The following AGBL5 variants were observed in gnomAD, a reference collection of about 807,000 sequenced individuals.
AGBL5 encodes cytosolic carboxypeptidase-like protein 5.
A neutral mutation model predicts 88.0 loss-of-function variants in AGBL5; 51 were observed. The ratio of observed to expected loss-of-function variants is 0.58; its 90% CI spans 0.46 to 0.73. The LOEUF (loss-of-function observed/expected upper bound fraction) is 0.73, where lower values mean the gene tolerates loss of function less well. Among genes scored for constraint, AGBL5 ranks in the 30% least tolerant of loss-of-function variants. AGBL5 has a pLI of 0.00. For missense variants in AGBL5, 1,031 were observed against 1,162.2 expected (o/e 0.89, Z 1.64); for synonymous variants, 446 against 438.8 (o/e 1.02, Z -0.21).
chr2:27,051,273 G>C (rs191184437), upstream of AGBL5: 4 of 152,204 alleles, frequency 2.6e-5, no homozygotes, highest in African/African-American at 4.8e-5. Flanking sequence ...CGGGATCGAT[G>C]CCCGCATCCT....
intron 12 of AGBL5, 78 bp from the exon 13 acceptor site, chr2:27,068,554 T>G: frequency 7.5e-7 from 1 of 1,331,466 alleles, no homozygotes; most frequent in South Asian, 1.3e-5. Flanking sequence ...CGTGCCAAGG[T>G]TAAGAAACCC....
At chr2:27,067,671 C>A (rs1334169028) in intron 12 of AGBL5, 25 bp downstream of exon 12, 3 of 1,606,568 alleles carry the variant, frequency 1.9e-6, no homozygotes, top group Non-Finnish European at 2.6e-6. Flanking sequence ...CCACTGAAAT[C>A]TGGGTTTGCC....
Position 27,059,321 on chromosome 2 carries a change from T to G in AGBL5, c.2006T>G (p.Phe669Cys), listed in dbSNP as rs199647666. The part of the protein sequence containing the change: ...PQMKNSPSFP[F>C]HGSRPAGLPG... ...ATGAAGAATTCCCCCAGCTTTCCTT[T>G]TCATGGCAGTCGGCCTGCAGGGCTG... The change falls in exon 11 of 15, where the codon TTT becomes TGT. Residue 669 changes from phenylalanine to cysteine, a missense_variant. Coordinates refer to ENST00000360131, the MANE Select transcript of AGBL5 (RefSeq NM_021831.6). The G allele has an allele frequency of 1.9e-6, 3 of 1,614,214 alleles. No homozygotes were observed. The East Asian group carries it at 6.7e-5, about 36-fold the overall frequency.
chr2:27,070,433 A>G lies in AGBL5; in HGVS notation c.*170A>G. On this transcript the variant is annotated 3_prime_UTR_variant, in exon 15 of 15. Coordinates refer to ENST00000360131, the MANE Select transcript of AGBL5 (RefSeq NM_021831.6). Reference sequence around the variant, plus strand: ...GTATCACCTTGAGACAGAACAAAACAGGGACCTGCCACCCCTTCCCTCCCT... The same window carrying G: ...GTATCACCTTGAGACAGAACAAAACGGGGACCTGCCACCCCTTCCCTCCCT... 1 of 633,274 alleles carries G rather than the reference A, an allele frequency of 1.6e-6. No individual in the cohort carries two copies. Among genetic ancestry groups the G allele is most frequent in the South Asian group, 2.4e-5 (1 of 41,428 alleles). The allele number at this position is 633,274 out of a possible 1,614,324, so 39.2% of individuals were successfully genotyped here.
At chr2:27,056,417 G>C in intron 7 of AGBL5, 2 of 614,114 alleles carry the variant, frequency 3.3e-6, no homozygotes, top group South Asian at 5.4e-5. Context: ...GTTGGAGGGA[G>C]GAAGCTAAAA....
upstream of AGBL5, among the ~76,000 whole-genome samples, chr2:27,050,849 G>A (rs1325912350): frequency 6.6e-6 from 1 of 152,182 alleles, no homozygotes; most frequent in Non-Finnish European, 1.5e-5. Context: ...TTAGGTCGCT[G>A]GTTCGATTCC....
chr2:27,051,904 A>T (rs1333024587), intron 1 of AGBL5, 111 bp downstream of exon 1: 1 of 86,010 alleles, frequency 1.2e-5, no homozygotes, highest in East Asian at 3.3e-4. Flanking sequence ...GCCACCCCGC[A>T]CCCCGCTCCC....
chr2:27,063,003 A>G lies in AGBL5; in HGVS notation c.2089+3599A>G, dbSNP rs181768132. The G allele has an allele frequency of 3.9e-5, 6 of 152,398 alleles. No individual in the cohort carries two copies. In the East Asian group the frequency reaches 7.7e-4, roughly 20 times the overall value. 9.4% of individuals were successfully genotyped at this position (152,398 alleles called of 1,614,324 possible). ...GAATAAACGTAAGACTGTGTAAGAC[A>G]CTGTCTGTGAACTGTACATATTGGA... is the stretch of plus-strand genomic sequence containing the variant. On this transcript the variant is annotated intron_variant, in intron 11 of 14. Transcript: ENST00000360131.
In AGBL5 at chr2:27,053,205, G is replaced by A. The variant is rs750616743; in HGVS notation, c.215+32G>A. 1 of 1,551,686 alleles carries A rather than the reference G, an allele frequency of 6.4e-7. No individual in the cohort carries two copies. The highest frequency in any genetic ancestry group is 1.4e-5 in the African/African-American group (1 of 73,372). ...GGAACGAAATGGAGGGTGGAAAAAGGCTCCAAACCCATGCTTCAGTTAGCC... is the reference window on the plus strand; with the variant it reads ...GGAACGAAATGGAGGGTGGAAAAAGACTCCAAACCCATGCTTCAGTTAGCC... On this transcript the variant is annotated intron_variant, in intron 2 of 14. Transcript: ENST00000360131. The surrounding 1 kb of genome is among the most constrained non-coding windows in gnomAD (Gnocchi z 4.9).
chr2:27,056,739 TAAA>T lies in AGBL5; in HGVS notation c.1483_1485del (p.Lys495del), dbSNP rs1295272861. 3 of 1,613,612 alleles carry T rather than the reference TAAA, an allele frequency of 1.9e-6. No homozygotes were observed. Among genetic ancestry groups the T allele is most frequent in the Non-Finnish European group, 2.5e-6 (3 of 1,179,678 alleles). ...CCCGAGACCGTAGAGATGGCCAGTC[TAAA>T]GAGGGAAGCGGCCGTGTTGCAATCT... On this transcript the variant is annotated inframe_deletion, in exon 8 of 15. Transcript: ENST00000360131.
chr2:27,054,126 A>T (rs1668312485), intron 4 of AGBL5, 67 bp downstream of exon 4: 1 of 1,515,072 alleles, frequency 6.6e-7, no homozygotes, highest in Admixed American at 2.1e-5. Flanking sequence ...TACTTCTGGA[A>T]TTTGCTCTTA....
Position 27,053,383 on chromosome 2 carries a change from C to T in AGBL5, c.216-19C>T. The T allele has an allele frequency of 6.2e-7, 1 of 1,612,876 alleles. No individual in the cohort carries two copies. The highest frequency in any genetic ancestry group is 8.5e-7 in the Non-Finnish European group (1 of 1,179,354). On this transcript the variant is annotated intron_variant, in intron 2 of 14. Transcript: ENST00000360131. This position sits in a 1 kb window ranked among gnomAD's most constrained non-coding sequence, Gnocchi z 4.9. ...AACCCTTCCACACGTAATGACCTCT[C>T]TCTTACTCTGGTCCTCAGGTCATGG...
At chr2:27,066,561 G>A (rs902322604) in intron 11 of AGBL5, among the ~76,000 whole-genome samples, 2 of 152,148 alleles carry the variant, frequency 1.3e-5, no homozygotes, top group African/African-American at 4.8e-5. Context: ...ACATTTAAGG[G>A]GCAGGAAGAA....
chr2:27,067,930 A>G (rs1669077296), intron 12 of AGBL5: 8 of 466,050 alleles, frequency 1.7e-5, no homozygotes, highest in South Asian at 1.7e-4. Flanking sequence ...TACCTGCAAA[A>G]TGCTACTTAT....
intron 11 of AGBL5, 129 bp from the exon 12 acceptor site, chr2:27,067,365 G>GGGATGTGGGTCT (rs1208545296): frequency 2.1e-5 from 17 of 808,370 alleles, no homozygotes; most frequent in Non-Finnish European, 3.2e-5. Context: ...CTTCAGGAGA[G>GGGATGTGGGTCT]GGATGTGGGT....
rs1276605459 is a variant in AGBL5 at position 27,052,893 on chromosome 2, TAA to T, written c.-46-19_-46-18del. On this transcript the variant is annotated intron_variant, in intron 1 of 14. Coordinates refer to ENST00000360131, the MANE Select transcript of AGBL5 (RefSeq NM_021831.6). ...TTTGTCTTCCCTTTCCTCCTTAACC[TAA>T]CCCTTGTTTTCCCCCAGCTCTCAGG... 2 of 1,424,512 alleles carry T rather than the reference TAA, an allele frequency of 1.4e-6. No homozygotes were observed. The highest frequency in any genetic ancestry group is 1.9e-6 in the Non-Finnish European group (2 of 1,061,244). The allele number at this position is 1,424,512 out of a possible 1,614,324, so 88.2% of individuals were successfully genotyped here.
Position 27,053,067 on chromosome 2 carries a change from G to T in AGBL5, c.109G>T (p.Gly37Cys), listed in dbSNP as rs1558411309. 1 of 1,613,870 alleles carries T rather than the reference G, an allele frequency of 6.2e-7. No homozygotes were observed. The highest frequency in any genetic ancestry group is 2.2e-5 in the East Asian group (1 of 44,864). ...GTCCAGTGATGGGGAAGGGGTAGGA[G>T]GTGGGGCGTCAGCCCTGACCAGTGG... ...SLSSDGEGVGGGASALTSGIA... is the reference protein window; with the variant it reads ...SLSSDGEGVGCGASALTSGIA... The change falls in exon 2 of 15, where the codon GGT becomes TGT. Residue 37 changes from glycine to cysteine, a missense_variant. Physicochemically the swap from Gly to Cys is radical, Grantham distance 159. This residue lies in a region of AGBL5 where 540 missense variants were observed against 678.2 expected (regional missense o/e 0.80). Transcript: ENST00000360131. This position sits in a 1 kb window ranked among gnomAD's most constrained non-coding sequence, Gnocchi z 4.9.
rs1487730134 is a variant in AGBL5 at position 27,064,432 on chromosome 2, C to T, written c.2090-3062C>T. 2.6e-5 allele frequency among the ~76,000 whole-genome samples: 4 copies of T among 151,516 alleles called. No homozygotes were observed. In the East Asian group the frequency reaches 5.9e-4, roughly 22 times the overall value. ...AGCCTCAGCCTCCCTAGTAGCTGGG[C>T]CTACAGGTGCACACCACCACACCTG... On this transcript the variant is annotated intron_variant, in intron 11 of 14. Coordinates refer to ENST00000360131, the MANE Select transcript of AGBL5 (RefSeq NM_021831.6).
rs1668544377 is a variant in AGBL5 at position 27,058,393 on chromosome 2, C to T, written c.1672-7C>T. 1.9e-6 allele frequency: 3 copies of T among 1,612,656 alleles called. No homozygotes were observed. Among genetic ancestry groups the T allele is most frequent in the African/African-American group, 1.3e-5 (1 of 75,004 alleles). ...AGCATGCTGAGCCAAACTGGACTAC[C>T]CCACAGGTGGGACGAGCTATGGCCA... On this transcript the variant is annotated splice_region_variant and splice_polypyrimidine_tract_variant and intron_variant, in intron 9 of 14. Coordinates refer to ENST00000360131, the MANE Select transcript of AGBL5 (RefSeq NM_021831.6).
Sources: allele counts gnomAD v4.1 joint callset (sites outside exome capture counted in the v4.1 genomes callset), GRCh38; gene constraint gnomAD v4.1.1; regional missense constraint gnomAD v4.1.1; non-coding constraint Gnocchi (gnomAD v3.1); transcripts MANE v1.5; gene names NCBI Gene and HGNC (gene_info 2026-07-23, HGNC 2026-07-21).